MTFR1L: variants seen among roughly 807,000 people sequenced by gnomAD.
The protein encoded by MTFR1L is mitochondrial fission regulator 1 like.
Under a neutral mutation model 27.9 loss-of-function variants are expected in MTFR1L, and 10 were observed. The ratio of observed to expected loss-of-function variants is 0.36; its 90% CI spans 0.22 to 0.61. The LOEUF is 0.61. Ranked by LOEUF, MTFR1L falls within the 20% of genes least tolerant of loss-of-function variation. MTFR1L has a pLI of 0.73. For missense variants in MTFR1L, 315 were observed against 363.7 expected (o/e 0.87, Z 1.09); for synonymous variants, 151 against 139.4 (o/e 1.08, Z -0.58).
chr1:25,830,472 A>C (rs1276197094), intron 6 of MTFR1L, among the ~76,000 whole-genome samples: 1 of 152,148 alleles, frequency 6.6e-6, no homozygotes. Flanking sequence ...TTTGGGGAAT[A>C]CCTACCTTGA....
At chr1:25,829,946 C>G in intron 6 of MTFR1L, 116 bp downstream of exon 6, 1 of 1,059,504 alleles carries the variant, frequency 9.4e-7, no homozygotes. Flanking sequence ...TTATGTCATT[C>G]ATAAAGCTTG....
At chr1:25,831,832 T>C in intron 6 of MTFR1L, 89 bp from the exon 7 acceptor site, 3 of 1,081,132 alleles carry the variant, frequency 2.8e-6, no homozygotes, top group Non-Finnish European at 4.3e-6. Flanking sequence ...CGTAAGATTG[T>C]TGTGAGGATT....
At chr1:25,820,465 C>T (rs750397116) in intron 1 of MTFR1L, 12 of 377,474 alleles carry the variant, frequency 3.2e-5, no homozygotes, top group South Asian at 2.1e-4. Context: ...CGGGTCCCCG[C>T]GGGGAGAGGG....
At position 25,831,954 on chromosome 1, in the gene MTFR1L, T is replaced by A. The variant is rs575578562; in HGVS notation, c.807T>A (p.Ala269=). The change falls in exon 7 of 7, where the codon GCT becomes GCA. Residue 269 remains alanine, a synonymous_variant. Transcript: ENST00000374303. ...NRSLLKEEDP[A]VLISEVLRRK... ...GTTTATTGAAGGAGGAAGACCCTGCTGTGCTTATCTCTGAGGTCCTAAGGA... is the reference window on the plus strand; with the variant it reads ...GTTTATTGAAGGAGGAAGACCCTGCAGTGCTTATCTCTGAGGTCCTAAGGA... 8.9e-5 allele frequency: 144 copies of A among 1,614,226 alleles called. No individual in the cohort carries two copies. In the South Asian group the frequency reaches 1.3e-3, roughly 15 times the overall value.
intron 6 of MTFR1L, among the ~76,000 whole-genome samples, chr1:25,830,864 A>G (rs2048230035): frequency 6.6e-6 from 1 of 152,110 alleles, no homozygotes; most frequent in South Asian, 2.1e-4. Context: ...AGTCACTCTT[A>G]ACCTTCCTTC....
At chr1:25,820,136 CCG>C in intron 1 of MTFR1L, 107 bp downstream of exon 1, 1 of 450,664 alleles carries the variant, frequency 2.2e-6, no homozygotes, top group Non-Finnish European at 4.4e-6. Context: ...GCTCCTGTTC[CCG>C]CGCGAGTTCT....
At chr1:25,829,445 G>T (rs1224835941) in intron 5 of MTFR1L, 64 bp from the exon 6 acceptor site, 7 of 1,407,366 alleles carry the variant, frequency 5.0e-6, no homozygotes, top group Non-Finnish European at 6.9e-6. Flanking sequence ...GGGCTGTGGG[G>T]AGAAGATATT....
chr1:25,826,555 A>G lies in MTFR1L; in HGVS notation c.240-60A>G. On this transcript the variant is annotated intron_variant, in intron 4 of 6. Transcript: ENST00000374303. This position sits in a 1 kb window ranked among gnomAD's most constrained non-coding sequence, Gnocchi z 4.1. Reference sequence around the variant, plus strand: ...TACTCTCACAGAAGTGGGGGAAGGAACCTTAGGAGCACAGTGGCCTGCTGT... The same window carrying G: ...TACTCTCACAGAAGTGGGGGAAGGAGCCTTAGGAGCACAGTGGCCTGCTGT... 2 of 1,603,720 alleles carry G rather than the reference A, an allele frequency of 1.2e-6. No individual in the cohort carries two copies. Among genetic ancestry groups the G allele is most frequent in the South Asian group, 2.2e-5 (2 of 90,732 alleles).
intron 6 of MTFR1L, among the ~76,000 whole-genome samples, chr1:25,830,133 G>A (rs1056694595): frequency 2.6e-5 from 4 of 152,180 alleles, no homozygotes; most frequent in Admixed American, 2.6e-4. Flanking sequence ...TACTGCTAGT[G>A]ACAGTGTCTT....
Position 25,826,201 on chromosome 1 carries a change from GACACCCA to G in MTFR1L, c.130-100_130-94del. The G allele has an allele frequency of 1.0e-6, 1 of 955,000 alleles. No homozygotes were observed. 59.2% of individuals were successfully genotyped at this position (955,000 alleles called of 1,614,324 possible). ...TCTGCCCCCTCTAGGAAGCCTTCCT[GACACCCA>G]GTGCCGGATTAGGTACCCCTCCTGT... On this transcript the variant is annotated intron_variant, in intron 3 of 6. Coordinates refer to ENST00000374303, the MANE Select transcript of MTFR1L (RefSeq NM_001099625.2). The surrounding 1 kb of genome is among the most constrained non-coding windows in gnomAD (Gnocchi z 4.1).
At chr1:25,823,956 C>T (rs943633165) in intron 3 of MTFR1L, among the ~76,000 whole-genome samples, 1 of 152,230 alleles carries the variant, frequency 6.6e-6, no homozygotes, top group Non-Finnish European at 1.5e-5. Context: ...ACAGGTCCCC[C>T]ACATGGGACA....
intron 1 of MTFR1L, chr1:25,820,816 G>A (rs569548222): frequency 7.4e-6 from 3 of 403,638 alleles, no homozygotes; most frequent in South Asian, 3.5e-5. Context: ...ACCGTGCTGT[G>A]CGCGGGGATC....
At position 25,832,459 on chromosome 1, in the gene MTFR1L, A is replaced by ATGTT. The variant is rs1483383351; in HGVS notation, c.*437_*440dup. The stretch of plus-strand genomic sequence containing the variant: ...CAGGGCTGAGGGGAAGGGGCTATGA[A>ATGTT]TGTTTGTATACATGTTCACAGGGCA... On this transcript the variant is annotated 3_prime_UTR_variant, in exon 7 of 7. Transcript: ENST00000374303. 1 of 404,268 alleles carries ATGTT rather than the reference A, an allele frequency of 2.5e-6. No homozygotes were observed. Among genetic ancestry groups the ATGTT allele is most frequent in the Non-Finnish European group, 4.6e-6 (1 of 215,244 alleles). 25.0% of individuals were successfully genotyped at this position (404,268 alleles called of 1,614,324 possible).
Position 25,826,698 on chromosome 1 carries a change from G to A in MTFR1L, c.323G>A (p.Arg108His), listed in dbSNP as rs757836403. Residue 108 changes from arginine to histidine, a missense_variant, in exon 5 of 7, where the codon CGT becomes CAT. Physicochemically the swap from Arg to His is conservative, Grantham distance 29. Transcript: ENST00000374303. This position sits in a 1 kb window ranked among gnomAD's most constrained non-coding sequence, Gnocchi z 4.1. ...CGCAATGCCTCTGTTCCCAACCTGC[G>A]TGGGTCCGAGGAGAGGCTTCTGGCC... ...MQRNASVPNL[R>H]GSEERLLALK... The A allele has an allele frequency of 5.3e-5, 86 of 1,614,044 alleles. No individual in the cohort carries two copies. Among genetic ancestry groups the A allele is most frequent in the East Asian group, 1.1e-4 (5 of 44,892 alleles).
chr1:25,822,133 C>T (rs1046367353), intron 1 of MTFR1L: 18 of 152,250 alleles, frequency 1.2e-4, no homozygotes, highest in Non-Finnish European at 2.1e-4. Flanking sequence ...CTTAAGGTAG[C>T]CTCCAGTGGC....
In MTFR1L at chr1:25,820,019, C is replaced by A. The variant is rs898936488; in HGVS notation, c.-97C>A. On this transcript the variant is annotated 5_prime_UTR_variant, in exon 1 of 7. Transcript: ENST00000374303. ...CCGTGAGGTGAGAGAGTCCGGGAGC[C>A]CGAGCTTGAGGTGAGAAAGGTTCTA... The A allele has an allele frequency of 2.0e-5, 7 of 353,230 alleles. No individual in the cohort carries two copies. The highest frequency in any genetic ancestry group is 1.1e-4 in the African/African-American group (5 of 44,712). 21.9% of individuals were successfully genotyped at this position (353,230 alleles called of 1,614,324 possible). A position where few individuals can be genotyped will look rare whatever the true frequency, so the allele number is the denominator to read the frequency against.
Position 25,829,706 on chromosome 1 carries a change from G to C in MTFR1L, c.649G>C (p.Glu217Gln), listed in dbSNP as rs1455069206. ...TGCCAGCCCTGAATGTTGCAAACCA[G>C]AACACAAAGCTGCCTGCAGTTCGTC... ...CSASPECCKP[E>Q]HKAACSSSEE... Residue 217 changes from glutamate to glutamine, a missense_variant, in exon 6 of 7, where the codon GAA becomes CAA. Glu to Gln is a conservative substitution (Grantham distance 29). Transcript: ENST00000374303. 11 of 1,614,014 alleles carry C rather than the reference G, an allele frequency of 6.8e-6. No homozygotes were observed. Among genetic ancestry groups the C allele is most frequent in the Non-Finnish European group, 9.3e-6 (11 of 1,180,048 alleles).
Position 25,826,544 on chromosome 1 carries a change from T to C in MTFR1L, c.240-71T>C. 6.3e-7 allele frequency: 1 copy of C among 1,592,982 alleles called. No individual in the cohort carries two copies. Among genetic ancestry groups the C allele is most frequent in the South Asian group, 1.1e-5 (1 of 90,332 alleles). On this transcript the variant is annotated intron_variant, in intron 4 of 6. Coordinates refer to ENST00000374303, the MANE Select transcript of MTFR1L (RefSeq NM_001099625.2). This position sits in a 1 kb window ranked among gnomAD's most constrained non-coding sequence, Gnocchi z 4.1. ...CCTTACTATACTACTCTCACAGAAG[T>C]GGGGGAAGGAACCTTAGGAGCACAG...
At chr1:25,824,089 AG>A (rs1461481248) in intron 3 of MTFR1L, among the ~76,000 whole-genome samples, 4 of 152,064 alleles carry the variant, frequency 2.6e-5, no homozygotes, top group African/African-American at 9.7e-5. Context: ...TGCCCAGGCT[AG>A]GTCTTAAACT....
Sources: gnomAD v4.1 joint callset for allele counts (sites outside exome capture counted in the v4.1 genomes callset) on GRCh38, gnomAD v4.1.1 for gene constraint, Gnocchi (gnomAD v3.1) non-coding constraint, MANE v1.5 for transcripts, NCBI Gene and HGNC (gene_info 2026-07-23, HGNC 2026-07-21) for gene names.